ATP8A2: variants seen among roughly 807,000 people sequenced by gnomAD.
The protein encoded by ATP8A2 is ATPase phospholipid transporting 8A2, also known as phospholipid-transporting ATPase IB.
In ATP8A2, 100 loss-of-function variants were observed where a neutral mutation model predicts 165.6. The ratio of observed to expected loss-of-function variants is 0.60; its 90% confidence interval spans 0.51 to 0.71. ATP8A2 has a LOEUF of 0.71. ATP8A2 is among the 30% of genes least tolerant of loss of function. The probability of loss-of-function intolerance (pLI) is 0.00; values close to 1 mark genes in which losing one functional copy is unlikely to be tolerated. For synonymous variants in ATP8A2, 543 were observed against 548.8 expected (o/e 0.99, Z 0.15); for missense variants, 1,227 against 1,479.5 (o/e 0.83, Z 2.80).
At chr13:25,480,529 C>T (rs1312962864) in intron 2 of ATP8A2, among the ~76,000 whole-genome samples, 2 of 147,088 alleles carry the variant, frequency 1.4e-5, no homozygotes, top group Non-Finnish European at 3.0e-5. Flanking sequence ...GGCGGCGGGG[C>T]AAAGGCGCTC....
At chr13:25,762,933 C>T (rs767852305) in intron 25 of ATP8A2, among the ~76,000 whole-genome samples, 7 of 152,086 alleles carry the variant, frequency 4.6e-5, no homozygotes, top group South Asian at 2.1e-4. Flanking sequence ...CAGCTGATGG[C>T]GTTAGGGAAA....
At chr13:25,831,216 C>CTTTTTTT (rs71759758) in intron 28 of ATP8A2, among the ~76,000 whole-genome samples, 1 of 133,492 alleles carries the variant, frequency 7.5e-6, no homozygotes. Context: ...AACTAATTTT[C>CTTTTTTT]TTTTTTTTTT....
At chr13:25,681,235 G>C (rs1407877894) in intron 24 of ATP8A2, among the ~76,000 whole-genome samples, 2 of 152,196 alleles carry the variant, frequency 1.3e-5, no homozygotes, top group South Asian at 2.1e-4. Context: ...ATGCTTGACT[G>C]TCTCTCCCTC....
intron 25 of ATP8A2, among the ~76,000 whole-genome samples, chr13:25,712,552 G>A (rs1303844512): frequency 6.6e-6 from 1 of 152,226 alleles, no homozygotes; most frequent in Non-Finnish European, 1.5e-5. Context: ...TGAAATCCAT[G>A]TGCTACTGAT....
chr13:25,836,611 C>T (rs9578926), intron 28 of ATP8A2, among the ~76,000 whole-genome samples: 1,978 of 152,294 alleles, frequency 0.013, 51 homozygotes, highest in African/African-American at 0.043. Context: ...TCCTCCACTT[C>T]TGCAGTAGAT....
intron 25 of ATP8A2, among the ~76,000 whole-genome samples, chr13:25,738,194 T>TA (rs1367653383): frequency 1.3e-5 from 2 of 152,156 alleles, no homozygotes; most frequent in African/African-American, 4.8e-5. Context: ...GGGGCTGGGA[T>TA]TTAAACTCCA....
intron 36 of ATP8A2, among the ~76,000 whole-genome samples, chr13:26,017,786 C>T (rs1957013137): frequency 6.6e-6 from 1 of 152,152 alleles, no homozygotes; most frequent in Non-Finnish European, 1.5e-5. Flanking sequence ...GCATATCCGC[C>T]CCCAAGGGAG....
At chr13:25,531,226 G>A (rs56867503) in intron 4 of ATP8A2, among the ~76,000 whole-genome samples, 8 of 111,438 alleles carry the variant, frequency 7.2e-5, no homozygotes, top group Non-Finnish European at 1.1e-4. Flanking sequence ...TATGATATAT[G>A]TTATATATGA....
intron 33 of ATP8A2, among the ~76,000 whole-genome samples, chr13:25,885,481 G>A (rs9511967): frequency 0.12 from 18,070 of 151,912 alleles, 1,450 homozygotes; most frequent in Non-Finnish European, 0.18. Context: ...GGGGTGGCTG[G>A]CATGCTTCTC....
At chr13:25,471,132 CA>C (rs2035832445) in intron 2 of ATP8A2, among the ~76,000 whole-genome samples, 2 of 152,184 alleles carry the variant, frequency 1.3e-5, no homozygotes, top group African/African-American at 4.8e-5. Context: ...GAATTGCTTT[CA>C]AAAAGATGAT....
intron 25 of ATP8A2, among the ~76,000 whole-genome samples, chr13:25,743,015 C>T (rs1190656283): frequency 1.3e-5 from 2 of 152,060 alleles, no homozygotes; most frequent in African/African-American, 4.8e-5. Context: ...ATTCTTATGT[C>T]AAAGTCCTAA....
At chr13:25,531,973 G>A (rs1270935622) in intron 4 of ATP8A2, among the ~76,000 whole-genome samples, 2 of 152,190 alleles carry the variant, frequency 1.3e-5, no homozygotes, top group Non-Finnish European at 2.9e-5. Flanking sequence ...GAAGTTGGCT[G>A]TTTGTTGCTG....
intron 1 of ATP8A2, among the ~76,000 whole-genome samples, chr13:25,431,444 C>G (rs561249536): frequency 6.6e-6 from 1 of 152,132 alleles, no homozygotes; most frequent in East Asian, 1.9e-4. Flanking sequence ...CCACCACACC[C>G]GGCTTCTCTA....
Position 25,541,926 on chromosome 13 carries a change from G to A in ATP8A2, c.659G>A (p.Ser220Asn). 6.2e-7 allele frequency: 1 copy of A among 1,614,006 alleles called. No individual in the cohort carries two copies. The highest frequency in any genetic ancestry group is 8.5e-7 in the Non-Finnish European group (1 of 1,179,974). The change falls in exon 9 of 37, where the codon AGT becomes AAT. Residue 220 changes from serine (S) to asparagine (N), a missense_variant. Ser to Asn is a conservative substitution (Grantham distance 46). Around this residue, in one of 5 missense-constraint regions of ATP8A2, gnomAD observed 356 missense variants for 394.9 expected, o/e 0.90. Transcript: ENST00000381655. ...ETNLKIRQGL[S>N]HTADMQTREV... The stretch of plus-strand genomic sequence containing the variant: ...TTTGGTTTAATCTTTTAGGGTTTGA[G>A]TCACACTGCTGACATGCAAACACGT...
intron 25 of ATP8A2, among the ~76,000 whole-genome samples, chr13:25,703,270 G>A (rs1191444804): frequency 6.6e-6 from 1 of 152,176 alleles, no homozygotes. Context: ...AGTAGAGACA[G>A]GATTTCACCA....
intron 33 of ATP8A2, among the ~76,000 whole-genome samples, chr13:25,907,430 G>C (rs953070954): frequency 1.3e-5 from 2 of 152,160 alleles, no homozygotes; most frequent in Non-Finnish European, 2.9e-5. Flanking sequence ...TTGGATAATC[G>C]TTTACTAACA....
At chr13:25,889,816 A>G (rs1953298618) in intron 33 of ATP8A2, among the ~76,000 whole-genome samples, 2 of 151,764 alleles carry the variant, frequency 1.3e-5, no homozygotes, top group Non-Finnish European at 2.9e-5. Context: ...ATTGGTCTGA[A>G]GGTTTTTTTT....
chr13:26,018,293 A>C (rs1957028525), intron 36 of ATP8A2, among the ~76,000 whole-genome samples: 1 of 152,172 alleles, frequency 6.6e-6, no homozygotes, highest in Non-Finnish European at 1.5e-5. Context: ...AAACAGCCTG[A>C]GTGTCTTCTT....
At chr13:25,426,764 G>A (rs1255499711) in intron 1 of ATP8A2, among the ~76,000 whole-genome samples, 2 of 151,958 alleles carry the variant, frequency 1.3e-5, no homozygotes, top group Non-Finnish European at 1.5e-5. Context: ...CCAATATGGT[G>A]AAGCCCTGTC....
Sources: gnomAD v4.1 joint callset for allele counts (sites outside exome capture counted in the v4.1 genomes callset) on GRCh38, gnomAD v4.1.1 for gene constraint, gnomAD v4.1.1 regional missense constraint, MANE v1.5 for transcripts, NCBI Gene and HGNC (gene_info 2026-07-23, HGNC 2026-07-21) for gene names.